GLT1D1: variants seen among roughly 807,000 people sequenced by gnomAD.
The protein encoded by GLT1D1 is glycosyltransferase 1 domain containing 1, also known as glycosyltransferase 1 domain-containing protein 1.
A neutral mutation model predicts 28.7 loss-of-function variants in GLT1D1; 21 were observed. The observed-to-expected ratio is 0.73, with a 90% CI of 0.52 to 1.05. The LOEUF (loss-of-function observed/expected upper bound fraction) is 1.05, where lower values mean the gene tolerates loss of function less well. GLT1D1 is among the 50% of genes least tolerant of loss of function. GLT1D1 has a pLI of 0.00. For synonymous variants in GLT1D1, 147 were observed against 124.8 expected (o/e 1.18, Z -1.19); for missense variants, 343 against 330.6 (o/e 1.04, Z -0.29).
intron 4 of GLT1D1, among the ~76,000 whole-genome samples, chr12:128,910,264 CTTTTTTTTTTT>C (rs11361008): frequency 1.7e-5 from 2 of 114,294 alleles, no homozygotes; most frequent in Non-Finnish European, 3.6e-5. Context: ...AAGTTTAACT[CTTTTTTTTTTT>C]TTTTTTTTTT....
At chr12:128,958,239 C>T (rs747734572) in intron 7 of GLT1D1, among the ~76,000 whole-genome samples, 1 of 152,168 alleles carries the variant, frequency 6.6e-6, no homozygotes, top group Non-Finnish European at 1.5e-5. Context: ...CCAGGGTTTG[C>T]CTGCATCCGA....
At chr12:128,963,039 A>T (rs1170538102) in intron 7 of GLT1D1, among the ~76,000 whole-genome samples, 2 of 152,112 alleles carry the variant, frequency 1.3e-5, no homozygotes, top group Non-Finnish European at 2.9e-5. Flanking sequence ...CTACTTACAC[A>T]TTCGTGGGGA....
chr12:128,950,494 T>C (rs1876585520), intron 6 of GLT1D1, among the ~76,000 whole-genome samples: 1 of 152,164 alleles, frequency 6.6e-6, no homozygotes, highest in Admixed American at 6.5e-5. Context: ...GTAAAAACCA[T>C]TAAAATGCAA....
intron 4 of GLT1D1, among the ~76,000 whole-genome samples, chr12:128,907,641 C>T (rs1329734897): frequency 1.3e-5 from 2 of 152,144 alleles, no homozygotes. Flanking sequence ...AAGGTGAGCC[C>T]TCATTGGAGA....
intron 4 of GLT1D1, among the ~76,000 whole-genome samples, chr12:128,908,512 C>CTTCT (rs1023817102): frequency 2.9e-5 from 4 of 138,932 alleles, no homozygotes; most frequent in Non-Finnish European, 6.1e-5. Flanking sequence ...TCCATCCTTC[C>CTTCT]TTCTTTCTTT....
intron 3 of GLT1D1, among the ~76,000 whole-genome samples, chr12:128,892,784 TC>T (rs1221946607): frequency 1.3e-5 from 2 of 152,090 alleles, no homozygotes; most frequent in African/African-American, 4.8e-5. Flanking sequence ...AAATTTTTTT[TC>T]TATATTATAT....
At chr12:128,938,714 C>T (rs1241075750) in intron 4 of GLT1D1, among the ~76,000 whole-genome samples, 1 of 152,172 alleles carries the variant, frequency 6.6e-6, no homozygotes, top group African/African-American at 2.4e-5. Context: ...TGCCTTCACT[C>T]CCGGCTCATC....
At chr12:128,854,329 TA>T (rs1956154379) in intron 1 of GLT1D1, among the ~76,000 whole-genome samples, 1 of 151,884 alleles carries the variant, frequency 6.6e-6, no homozygotes, top group South Asian at 2.1e-4. Context: ...ATTAGCCGGA[TA>T]AACATATTCC....
intron 7 of GLT1D1, among the ~76,000 whole-genome samples, chr12:128,971,822 TCCCTTCTTTGCTCCCTCCCTTCC>T (rs1879203931): frequency 1.7e-5 from 1 of 60,214 alleles, no homozygotes; most frequent in Non-Finnish European, 3.0e-5. Context: ...CCTCCCTTCC[TCCCTTCTTTGCTCCCTCCCTTCC>T]TCTCTCCCTT....
chr12:128,856,215 G>T (rs952636904), intron 1 of GLT1D1, among the ~76,000 whole-genome samples: 7 of 152,182 alleles, frequency 4.6e-5, no homozygotes, highest in African/African-American at 1.7e-4. Context: ...ACAGCCAGAG[G>T]TCGCTCTCGT....
intron 3 of GLT1D1, among the ~76,000 whole-genome samples, chr12:128,891,148 A>G (rs1010330844): frequency 3.2e-4 from 49 of 152,038 alleles, no homozygotes; most frequent in African/African-American, 1.2e-3. Context: ...AAAAAATTAA[A>G]TAAAATAATG....
At chr12:128,879,430 C>CTTTCTTTCT (rs1555262465) in intron 2 of GLT1D1, among the ~76,000 whole-genome samples, 1 of 105,242 alleles carries the variant, frequency 9.5e-6, no homozygotes, top group Non-Finnish European at 1.9e-5. Flanking sequence ...TTCTTTCTTT[C>CTTTCTTTCT]TTTCTTTCTT....
At chr12:128,874,696 C>T (rs2135794642) in intron 1 of GLT1D1, among the ~76,000 whole-genome samples, 1 of 152,200 alleles carries the variant, frequency 6.6e-6, no homozygotes, top group East Asian at 1.9e-4. Context: ...ATTGACCAGG[C>T]TGGTCTCAAA....
intron 4 of GLT1D1, among the ~76,000 whole-genome samples, chr12:128,934,196 GTCTTTTTTTTTTTTT>G (rs1874266540): frequency 4.7e-5 from 6 of 128,686 alleles, no homozygotes; most frequent in Admixed American, 1.7e-4. Context: ...CAAAGAGACA[GTCTTTTTTTTTTTTT>G]TTTTTTTTTT....
rs1879322313 is a variant in GLT1D1 at position 128,972,846 on chromosome 12, G to A, written c.640-10083G>A. 1.3e-5 allele frequency among the ~76,000 whole-genome samples: 2 copies of A among 152,188 alleles called. 1 individual carries two copies. The highest frequency in any genetic ancestry group is 4.1e-4 in the South Asian group (2 of 4,828). On this transcript the variant is annotated intron_variant, in intron 7 of 7. Transcript: ENST00000281703. ...ATGGTGTATCACTTAGTGTTTCGCTGTGTGCATCCATTGTGCAATGATGAA... is the reference window on the plus strand; with the variant it reads ...ATGGTGTATCACTTAGTGTTTCGCTATGTGCATCCATTGTGCAATGATGAA...
Position 128,855,896 on chromosome 12 carries a change from C to T in GLT1D1, c.68+2247C>T, listed in dbSNP as rs530054267. On this transcript the variant is annotated intron_variant, in intron 1 of 7. Transcript: ENST00000281703. The stretch of plus-strand genomic sequence containing the variant: ...CTTCCGGAGTAGCTGGGATTACAGG[C>T]GCCTGCCACCACACCCAGCTGATTT... Among the ~76,000 whole-genome samples, 166 of 151,866 alleles carry T rather than the reference C, an allele frequency of 1.1e-3. 1 individual carries two copies. The highest frequency in any genetic ancestry group is 3.5e-3 in the African/African-American group (147 of 41,436).
intron 4 of GLT1D1, 103 bp from the exon 5 acceptor site, chr12:128,912,321 C>A: frequency 1.5e-6 from 1 of 666,196 alleles, no homozygotes; most frequent in Non-Finnish European, 2.5e-6. Context: ...TGATGTTTTC[C>A]AGGACGGCTT....
intron 7 of GLT1D1, among the ~76,000 whole-genome samples, chr12:128,971,199 C>T (rs1193308212): frequency 1.3e-5 from 2 of 152,180 alleles, no homozygotes; most frequent in Admixed American, 6.5e-5. Context: ...GAGTGCCACG[C>T]GGCAAAACGA....
At chr12:128,966,497 G>T (rs1878471043) in intron 7 of GLT1D1, among the ~76,000 whole-genome samples, 1 of 152,244 alleles carries the variant, frequency 6.6e-6, no homozygotes, top group South Asian at 2.1e-4. Flanking sequence ...CACACTGCTT[G>T]CTCCCCACAC....
Sources: gnomAD v4.1 joint callset for allele counts (sites outside exome capture counted in the v4.1 genomes callset) on GRCh38, gnomAD v4.1.1 for gene constraint, MANE v1.5 for transcripts, NCBI Gene and HGNC (gene_info 2026-07-23, HGNC 2026-07-21) for gene names.